MAP3K5: variants seen among roughly 807,000 people sequenced by gnomAD.
MAP3K5 encodes ASK-1.
Under a neutral mutation model 158.7 loss-of-function variants are expected in MAP3K5, and 56 were observed. The ratio of observed to expected loss-of-function variants is 0.35; its 90% CI spans 0.28 to 0.44. The LOEUF is 0.44. MAP3K5 is among the 20% of genes least tolerant of loss of function. MAP3K5 has a pLI of 1.00. For missense variants in MAP3K5, 1,294 were observed against 1,674.8 expected, an observed-to-expected ratio of 0.77 and a Z score of 3.97; for synonymous variants, 579 against 601.7, an observed-to-expected ratio of 0.96 and a Z score of 0.55.
intron 3 of MAP3K5, among the ~76,000 whole-genome samples, chr6:136,700,637 T>A (rs1780811601): frequency 6.6e-6 from 1 of 152,200 alleles, no homozygotes; most frequent in African/African-American, 2.4e-5. Flanking sequence ...GGTGAAATAG[T>A]CACTTTTAAA....
chr6:136,559,042 C>T (rs1583179563), intron 28 of MAP3K5, among the ~76,000 whole-genome samples, 166 bp from the exon 29 acceptor site: 2 of 151,996 alleles, frequency 1.3e-5, no homozygotes, highest in South Asian at 2.1e-4. Context: ...CTCCCTGTTA[C>T]TCAATAAATA....
intron 1 of MAP3K5, among the ~76,000 whole-genome samples, chr6:136,749,050 T>C (rs550142420): frequency 6.6e-6 from 1 of 152,268 alleles, no homozygotes; most frequent in East Asian, 1.9e-4. Context: ...CCTTAATTAT[T>C]AGGACTGGCC....
intron 1 of MAP3K5, among the ~76,000 whole-genome samples, chr6:136,743,497 T>C (rs1173951745): frequency 6.6e-6 from 1 of 152,020 alleles, no homozygotes; most frequent in Non-Finnish European, 1.5e-5. Context: ...ACTACACACC[T>C]ATTCGAATGG....
At chr6:136,731,193 A>G (rs115564420) in intron 1 of MAP3K5, among the ~76,000 whole-genome samples, 105 of 152,296 alleles carry the variant, frequency 6.9e-4, no homozygotes, top group Middle Eastern at 3.4e-3. Context: ...TTCTTGATCT[A>G]GGTGCTGGTT....
intron 23 of MAP3K5, among the ~76,000 whole-genome samples, chr6:136,591,254 T>G (rs1179956029): frequency 6.6e-6 from 1 of 152,226 alleles, no homozygotes; most frequent in Non-Finnish European, 1.5e-5. Context: ...GACTAATACA[T>G]ATAGTTTCCT....
chr6:136,730,422 G>A (rs11154881), intron 1 of MAP3K5, among the ~76,000 whole-genome samples: 55,018 of 151,580 alleles, frequency 0.36, 11,925 homozygotes, highest in Middle Eastern at 0.49. Context: ...AAAACAGAAA[G>A]ATCTAAGAAT....
At chr6:136,597,309 G>A (rs1249006332) in intron 21 of MAP3K5, among the ~76,000 whole-genome samples, 2 of 152,228 alleles carry the variant, frequency 1.3e-5, no homozygotes, top group African/African-American at 4.8e-5. Flanking sequence ...AAGGGAGACA[G>A]TGCGACCTTT....
At chr6:136,735,583 C>T (rs1301823549) in intron 1 of MAP3K5, among the ~76,000 whole-genome samples, 2 of 152,146 alleles carry the variant, frequency 1.3e-5, no homozygotes, top group Non-Finnish European at 2.9e-5. Context: ...TAATTCCCAG[C>T]ACTTTGCGAG....
At chr6:136,787,003 G>A (rs1028937394) in intron 1 of MAP3K5, among the ~76,000 whole-genome samples, 3 of 151,942 alleles carry the variant, frequency 2.0e-5, no homozygotes, top group Non-Finnish European at 2.9e-5. Flanking sequence ...CCATGTAAAC[G>A]TTGAGACCTT....
intron 7 of MAP3K5, among the ~76,000 whole-genome samples, chr6:136,680,110 C>A (rs1055387183): frequency 6.6e-6 from 1 of 151,826 alleles, no homozygotes; most frequent in Non-Finnish European, 1.5e-5. Context: ...ACATGAGGTA[C>A]CTAGAGTAGT....
intron 14 of MAP3K5, among the ~76,000 whole-genome samples, chr6:136,625,439 C>T (rs903197881): frequency 3.3e-5 from 5 of 152,152 alleles, no homozygotes; most frequent in East Asian, 1.9e-4. Flanking sequence ...ACACACAAAA[C>T]CAGGCCCTTG....
intron 25 of MAP3K5, chr6:136,579,768 A>G (rs1583213359): frequency 4.4e-6 from 2 of 455,036 alleles, no homozygotes; most frequent in Non-Finnish European, 8.8e-6. Context: ...CTTCCACTCA[A>G]TTTTGCTGTG....
chr6:136,782,847 CAT>C (rs1307186221), intron 1 of MAP3K5, among the ~76,000 whole-genome samples: 3 of 152,280 alleles, frequency 2.0e-5, no homozygotes, highest in Admixed American at 6.5e-5. Context: ...AAATAAAATT[CAT>C]ATGAAATGTA....
At chr6:136,663,979 A>G (rs990751847) in intron 8 of MAP3K5, among the ~76,000 whole-genome samples, 3 of 152,240 alleles carry the variant, frequency 2.0e-5, no homozygotes, top group African/African-American at 7.2e-5. Context: ...CGAAAAGACA[A>G]GGAGTGCCAT....
intron 21 of MAP3K5, 101 bp from the exon 22 acceptor site, chr6:136,592,715 T>G: frequency 1.0e-6 from 1 of 989,850 alleles, no homozygotes; most frequent in East Asian, 2.4e-5. Context: ...TCAAATATCT[T>G]GTTGCAATGA....
chr6:136,792,059 TC>T lies in MAP3K5; in HGVS notation c.98del (p.Gly33GlufsTer64). On this transcript the variant is annotated frameshift_variant, in exon 1 of 30. Transcript: ENST00000359015. LOFTEE classifies it high-confidence loss of function. This position sits in a 1 kb window ranked among gnomAD's most constrained non-coding sequence, Gnocchi z 5.7. Reference protein sequence around the residue: ...TIPEGGICRRGGAAAVGEGEE... With the variant: ...TIPEGGICRRXGAAAVGEGEE... ...CGCCCTCGCCCACCGCCGCCGCTCCTCCCCTCCTGCAGATGCCGCCCTCGGG... is the reference window on the plus strand; with the variant it reads ...CGCCCTCGCCCACCGCCGCCGCTCCTCCCTCCTGCAGATGCCGCCCTCGGG... The T allele has an allele frequency of 6.4e-7, 1 of 1,554,518 alleles. No homozygotes were observed.
At chr6:136,592,036 T>C (rs1775409139) in intron 23 of MAP3K5, 137 bp downstream of exon 23, 2 of 641,816 alleles carry the variant, frequency 3.1e-6, no homozygotes, top group Non-Finnish European at 5.0e-6. Context: ...CCTTCTTTTT[T>C]CCTGTGGGGT....
In MAP3K5 at chr6:136,651,002, G is replaced by A. The variant is rs770224799; in HGVS notation, c.1770C>T (p.His590=). 52 of 1,609,840 alleles carry A rather than the reference G, an allele frequency of 3.2e-5. No homozygotes were observed. Among genetic ancestry groups the A allele is most frequent in the Admixed American group, 1.2e-4 (7 of 59,838 alleles). ...AATTTACCTTGTCATCAGGAAGCACGTGCCAAATAGAGATTGTCTTTTCCT... is the reference window on the plus strand; with the variant it reads ...AATTTACCTTGTCATCAGGAAGCACATGCCAAATAGAGATTGTCTTTTCCT... ...EVEEKTISIW[H]VLPDDKKGIH... Residue 590 remains histidine, a synonymous_variant, in exon 11 of 30, where the codon CAC becomes CAT. Transcript: ENST00000359015.
rs181222600 is a variant in MAP3K5 at position 136,681,743 on chromosome 6, C to T, written c.1254-12348G>A. 4.3e-4 allele frequency among the ~76,000 whole-genome samples: 65 copies of T among 152,204 alleles called. No homozygotes were observed. In the East Asian group the frequency reaches 9.5e-3, roughly 22 times the overall value. On this transcript the variant is annotated intron_variant, in intron 7 of 29. Transcript: ENST00000359015. ...CATCCTGGCTAACATGGTGAAACTC[C>T]GTCTCTACTAAAAATACAAACAAAA...
Sources: gnomAD v4.1 joint callset for allele counts (sites outside exome capture counted in the v4.1 genomes callset) on GRCh38, gnomAD v4.1.1 for gene constraint, Gnocchi (gnomAD v3.1) non-coding constraint, MANE v1.5 for transcripts, NCBI Gene and HGNC (gene_info 2026-07-23, HGNC 2026-07-21) for gene names.